The following RARB variants were observed in gnomAD, a reference collection of about 807,000 sequenced individuals.
RARB encodes the protein HBV-activated protein.
Under a neutral mutation model 51.9 loss-of-function variants are expected in RARB, and 17 were observed. That is an observed-to-expected ratio of 0.33 (90% confidence interval 0.22 to 0.49). The LOEUF (loss-of-function observed/expected upper bound fraction) is 0.49, where lower values mean the gene tolerates loss of function less well. Ranked by LOEUF, RARB falls within the 20% of genes least tolerant of loss-of-function variation. The probability of loss-of-function intolerance (pLI) is 0.99; values close to 1 mark genes in which losing one functional copy is unlikely to be tolerated. For missense variants in RARB, 369 were observed against 550.8 expected (o/e 0.67, Z 3.30); for synonymous variants, 215 against 195.4 (o/e 1.10, Z -0.84).
intron 5 of RARB, among the ~76,000 whole-genome samples, chr3:25,369,897 G>A (rs1269093413): frequency 1.3e-5 from 2 of 151,924 alleles, no homozygotes; most frequent in African/African-American, 2.4e-5. Flanking sequence ...ACTCCAGCCT[G>A]GACAAGAGTG....
intron 2 of RARB, among the ~76,000 whole-genome samples, chr3:24,882,656 G>A (rs371699699): frequency 6.6e-6 from 1 of 152,162 alleles, no homozygotes; most frequent in East Asian, 1.9e-4. Flanking sequence ...GAAGAACAGA[G>A]TTGCTTACAT....
intron 3 of RARB, among the ~76,000 whole-genome samples, chr3:25,502,375 CT>C (rs1319339703): frequency 6.6e-6 from 1 of 152,150 alleles, no homozygotes; most frequent in East Asian, 1.9e-4. Flanking sequence ...GGTAAAGCCC[CT>C]GTAGCCAACC....
intron 3 of RARB, among the ~76,000 whole-genome samples, chr3:25,069,025 AC>A (rs1698719074): frequency 6.6e-6 from 1 of 150,762 alleles, no homozygotes; most frequent in East Asian, 2.0e-4. Context: ...AAAAAAAAAA[AC>A]ACACACACAC....
intron 5 of RARB, among the ~76,000 whole-genome samples, chr3:25,257,575 T>C (rs1045907841): frequency 6.6e-6 from 1 of 152,078 alleles, no homozygotes; most frequent in Non-Finnish European, 1.5e-5. Context: ...AGTCCAGATA[T>C]GGAGTCAGTT....
At chr3:25,207,308 C>A (rs779528382) in intron 5 of RARB, among the ~76,000 whole-genome samples, 27 of 152,096 alleles carry the variant, frequency 1.8e-4, no homozygotes, top group Non-Finnish European at 3.5e-4. Context: ...TTTCAGATCA[C>A]GTATCTTCTT....
chr3:24,870,996 T>C (rs1702936459), intron 2 of RARB, among the ~76,000 whole-genome samples: 1 of 152,098 alleles, frequency 6.6e-6, no homozygotes, highest in Non-Finnish European at 1.5e-5. Context: ...CTAACTATAT[T>C]TTTGAACCTC....
chr3:25,015,346 A>T (rs1440028662), intron 2 of RARB, among the ~76,000 whole-genome samples: 1 of 152,192 alleles, frequency 6.6e-6, no homozygotes, highest in Non-Finnish European at 1.5e-5. Context: ...TGTTTCTTAG[A>T]TGCGAGGAAT....
At chr3:24,960,343 T>C (rs1413941632) in intron 2 of RARB, among the ~76,000 whole-genome samples, 1 of 152,234 alleles carries the variant, frequency 6.6e-6, no homozygotes, top group Non-Finnish European at 1.5e-5. Flanking sequence ...ACAGTGACTT[T>C]TATAAATGTT....
At chr3:25,450,608 T>C (rs2125541358) in intron 1 of RARB, among the ~76,000 whole-genome samples, 2 of 152,236 alleles carry the variant, frequency 1.3e-5, no homozygotes, top group Middle Eastern at 6.8e-3. Flanking sequence ...CTCAGCACTA[T>C]CTATAATTGG....
chr3:25,181,876 A>G (rs1700868782), intron 5 of RARB, among the ~76,000 whole-genome samples: 1 of 152,204 alleles, frequency 6.6e-6, no homozygotes, highest in African/African-American at 2.4e-5. Context: ...TCAAGTCACC[A>G]ATTCCACAAA....
At chr3:25,018,262 TC>T in intron 2 of RARB, among the ~76,000 whole-genome samples, 2 of 150,786 alleles carry the variant, frequency 1.3e-5, no homozygotes, top group East Asian at 3.9e-4. Context: ...AGATCAGATT[TC>T]CTGAAACTAT....
chr3:25,524,992 G>A (rs943286459), intron 3 of RARB, among the ~76,000 whole-genome samples: 1 of 151,928 alleles, frequency 6.6e-6, no homozygotes, highest in African/African-American at 2.4e-5. Context: ...GCCTCCCAAA[G>A]TGCTGGGATT....
chr3:25,578,871 A>T (rs970700593), intron 4 of RARB, among the ~76,000 whole-genome samples: 1 of 152,244 alleles, frequency 6.6e-6, no homozygotes, highest in Non-Finnish European at 1.5e-5. Context: ...GGAACTAAAG[A>T]TATCAGTTTG....
intron 1 of RARB, among the ~76,000 whole-genome samples, chr3:25,443,232 A>G (rs1708776949): frequency 6.6e-6 from 1 of 152,196 alleles, no homozygotes; most frequent in Non-Finnish European, 1.5e-5. Flanking sequence ...TGGGAGGTTC[A>G]GTTTGGCTGG....
intron 2 of RARB, among the ~76,000 whole-genome samples, chr3:24,899,579 TTC>T (rs930982648): frequency 3.3e-5 from 5 of 152,156 alleles, no homozygotes; most frequent in Non-Finnish European, 7.3e-5. Flanking sequence ...CCAGAGGAGT[TTC>T]TGTCGGCCAA....
At chr3:25,157,496 C>T (rs1248874729) in intron 4 of RARB, among the ~76,000 whole-genome samples, 2 of 151,958 alleles carry the variant, frequency 1.3e-5, no homozygotes, top group East Asian at 3.9e-4. Flanking sequence ...CTCAGCCTCC[C>T]AGGTGATTCT....
chr3:25,522,029 C>T (rs543936941), intron 3 of RARB, among the ~76,000 whole-genome samples: 2 of 152,038 alleles, frequency 1.3e-5, no homozygotes, highest in Admixed American at 6.6e-5. Context: ...GATCTCTGAA[C>T]ATTTTTGTCA....
At chr3:25,266,458 T>G (rs566696665) in intron 5 of RARB, among the ~76,000 whole-genome samples, 2 of 152,284 alleles carry the variant, frequency 1.3e-5, no homozygotes, top group East Asian at 3.9e-4. Flanking sequence ...AAGAATATTA[T>G]ATGTATGTTG....
At chr3:25,006,127 G>T (rs1697267185) in intron 2 of RARB, among the ~76,000 whole-genome samples, 1 of 152,204 alleles carries the variant, frequency 6.6e-6, no homozygotes, top group South Asian at 2.1e-4. Flanking sequence ...TTATCAGAAA[G>T]ACCTTTCCTG....
Sources: gnomAD v4.1 joint callset for allele counts (sites outside exome capture counted in the v4.1 genomes callset) on GRCh38, gnomAD v4.1.1 for gene constraint, MANE v1.5 for transcripts, NCBI Gene and HGNC (gene_info 2026-07-23, HGNC 2026-07-21) for gene names.